CNTNAP2: variants seen among roughly 807,000 people sequenced by gnomAD.
CNTNAP2 encodes the protein contactin-associated protein-like 2.
CNTNAP2 carries 98 observed loss-of-function variants against 155.2 expected under a neutral mutation model. The ratio of observed to expected loss-of-function variants is 0.63; its 90% CI spans 0.54 to 0.75. The LOEUF is 0.75. CNTNAP2 is among the 30% of genes least tolerant of loss of function. CNTNAP2 has a pLI of 0.00. For synonymous variants in CNTNAP2, 651 were observed against 631.2 expected (o/e 1.03, Z -0.47); for missense variants, 1,727 against 1,688.1 (o/e 1.02, Z -0.40).
At chr7:146,303,071 C>CGT (rs1800639486) in intron 1 of CNTNAP2, among the ~76,000 whole-genome samples, 2 of 128,216 alleles carry the variant, frequency 1.6e-5, no homozygotes, top group South Asian at 2.4e-4. Flanking sequence ...CCTTTGTGTG[C>CGT]ATGTGTGTGT....
intron 1 of CNTNAP2, among the ~76,000 whole-genome samples, chr7:146,569,009 A>T (rs12534931): frequency 0.75 from 113,464 of 150,892 alleles, 43,261 homozygotes; most frequent in South Asian, 0.89. Context: ...TTTATTTTTA[A>T]TTATTTATTT....
At chr7:147,560,694 C>T (rs909666971) in intron 11 of CNTNAP2, among the ~76,000 whole-genome samples, 2 of 151,666 alleles carry the variant, frequency 1.3e-5, no homozygotes, top group African/African-American at 2.4e-5. Context: ...CAATGCCTAA[C>T]GCACTGCTCA....
chr7:147,300,065 T>G, intron 8 of CNTNAP2, 76 bp from the exon 9 acceptor site: 1 of 1,455,602 alleles, frequency 6.9e-7, no homozygotes, highest in Non-Finnish European at 9.6e-7. Flanking sequence ...TGTAAAATCG[T>G]GATTTGTTGA....
rs142425522 is a variant in CNTNAP2, at chr7:146,669,761, G to T, written c.98-104510G>T. Among the ~76,000 whole-genome samples the T allele has an allele frequency of 1.4e-3, 217 of 152,216 alleles. 2 individuals are homozygous for T. Among genetic ancestry groups the T allele is most frequent in the African/African-American group, 3.1e-3 (127 of 41,544 alleles). ...GAACTGGATATTTAAAAGAGGTTAA[G>T]GAAATTTGATGCACTGTATTAAAAA... On this transcript the variant is annotated intron_variant, in intron 1 of 23. Transcript: ENST00000361727.
intron 9 of CNTNAP2, among the ~76,000 whole-genome samples, chr7:147,384,317 A>G (rs1796592507): frequency 2.6e-5 from 4 of 152,316 alleles, no homozygotes; most frequent in Non-Finnish European, 5.9e-5. Context: ...ACACATATTT[A>G]ATGGTTTAAT....
At chr7:146,579,310 G>GT (rs1798573891) in intron 1 of CNTNAP2, among the ~76,000 whole-genome samples, 1 of 152,032 alleles carries the variant, frequency 6.6e-6, no homozygotes, top group Non-Finnish European at 1.5e-5. Flanking sequence ...ATAGAGGAAA[G>GT]ATATGATAGG....
chr7:148,321,928 G>A (rs7780895), intron 21 of CNTNAP2, among the ~76,000 whole-genome samples: 12,197 of 146,348 alleles, frequency 0.083, 524 homozygotes, highest in African/African-American at 0.1. Flanking sequence ...ACGGATTCTC[G>A]CTCTGTCACC....
chr7:146,522,821 T>C (rs1056154510), intron 1 of CNTNAP2, among the ~76,000 whole-genome samples: 1 of 150,916 alleles, frequency 6.6e-6, no homozygotes, highest in Non-Finnish European at 1.5e-5. Context: ...AATCCCATAA[T>C]TTTTTCTTAT....
In CNTNAP2 at chr7:147,800,492, T is replaced by A. The variant is rs189298359; in HGVS notation, c.2099-103073T>A. Among the ~76,000 whole-genome samples, 342 of 151,922 alleles carry A rather than the reference T, an allele frequency of 2.3e-3. 2 individuals carry two copies. The highest frequency in any genetic ancestry group is 7.8e-3 in the African/African-American group (324 of 41,412). ...CTCACTTTAAAAAAAAAAAAGTGACTAACTTCCCACAAAGACTCCTTTGAA... is the reference window on the plus strand; with the variant it reads ...CTCACTTTAAAAAAAAAAAAGTGACAAACTTCCCACAAAGACTCCTTTGAA... On this transcript the variant is annotated intron_variant, in intron 13 of 23. Coordinates refer to ENST00000361727, the MANE Select transcript of CNTNAP2 (RefSeq NM_014141.6).
At chr7:146,411,725 A>G (rs1261826097) in intron 1 of CNTNAP2, among the ~76,000 whole-genome samples, 1 of 152,142 alleles carries the variant, frequency 6.6e-6, no homozygotes, top group Non-Finnish European at 1.5e-5. Context: ...AAAGGGTGGT[A>G]TAATATAAAG....
rs148669863 is a variant in CNTNAP2 at position 146,504,054 on chromosome 7, G to A, written c.98-270217G>A. 9.8e-5 allele frequency among the ~76,000 whole-genome samples: 15 copies of A among 152,326 alleles called. 1 individual carries two copies. The highest frequency in any genetic ancestry group is 2.9e-4 in the African/African-American group (12 of 41,572). ...GGCTACAAATGTGATTACATAGTGCGCGGAATTGTGCGCCTGCACTACAAA... is the reference window on the plus strand; with the variant it reads ...GGCTACAAATGTGATTACATAGTGCACGGAATTGTGCGCCTGCACTACAAA... On this transcript the variant is annotated intron_variant, in intron 1 of 23. Transcript: ENST00000361727.
intron 9 of CNTNAP2, among the ~76,000 whole-genome samples, chr7:147,371,433 A>C (rs1032547147): frequency 6.6e-5 from 10 of 152,192 alleles, no homozygotes; most frequent in Admixed American, 2.0e-4. Context: ...GAATAATAAA[A>C]AAGTATTATT....
intron 21 of CNTNAP2, among the ~76,000 whole-genome samples, chr7:148,316,347 A>AT (rs905845746): frequency 8.3e-4 from 46 of 55,220 alleles, no homozygotes; most frequent in Middle Eastern, 0.012. Context: ...ATAAAAATAT[A>AT]TTAAAAAAAA....
chr7:147,648,813 A>G (rs1330351080), intron 13 of CNTNAP2, among the ~76,000 whole-genome samples: 1 of 152,152 alleles, frequency 6.6e-6, no homozygotes, highest in Non-Finnish European at 1.5e-5. Flanking sequence ...CATATCAGCC[A>G]TCATTGCTGG....
intron 13 of CNTNAP2, among the ~76,000 whole-genome samples, chr7:147,828,681 C>T (rs1798499482): frequency 1.3e-5 from 2 of 152,178 alleles, no homozygotes; most frequent in Non-Finnish European, 2.9e-5. Context: ...CTCAGGGAAG[C>T]ATCTCTTTCT....
At chr7:147,726,776 T>C (rs1796651164) in intron 13 of CNTNAP2, among the ~76,000 whole-genome samples, 1 of 152,030 alleles carries the variant, frequency 6.6e-6, no homozygotes, top group Non-Finnish European at 1.5e-5. Context: ...TAGAGACAAG[T>C]TCTATTTAGA....
intron 1 of CNTNAP2, among the ~76,000 whole-genome samples, chr7:146,200,806 C>T (rs1798849182): frequency 6.6e-6 from 1 of 152,156 alleles, no homozygotes. Context: ...TTTTAAGTAA[C>T]ACATGACTCT....
chr7:146,828,546 C>G (rs1803451427), intron 2 of CNTNAP2, among the ~76,000 whole-genome samples: 1 of 151,836 alleles, frequency 6.6e-6, no homozygotes. Flanking sequence ...AATAGTTATC[C>G]TAATGCTTTA....
intron 1 of CNTNAP2, among the ~76,000 whole-genome samples, chr7:146,758,434 G>C (rs1431172117): frequency 2.0e-5 from 3 of 152,090 alleles, no homozygotes; most frequent in Non-Finnish European, 4.4e-5. Context: ...CTGAGTTCTG[G>C]TCTCTGTTTG....
Sources: allele counts gnomAD v4.1 joint callset (sites outside exome capture counted in the v4.1 genomes callset), GRCh38; gene constraint gnomAD v4.1.1; transcripts MANE v1.5; gene names NCBI Gene and HGNC (gene_info 2026-07-23, HGNC 2026-07-21).